The following CCDC88C variants were observed in gnomAD, a reference collection of about 807,000 sequenced individuals.
The protein encoded by CCDC88C is coiled-coil and HOOK domain protein 88C.
CCDC88C carries 131 observed loss-of-function variants against 198.8 expected under a neutral mutation model. The ratio of observed to expected loss-of-function variants is 0.66; its 90% CI spans 0.57 to 0.76. The LOEUF (loss-of-function observed/expected upper bound fraction) is 0.76. Among genes scored for constraint, CCDC88C ranks in the 30% least tolerant of loss-of-function variants. CCDC88C has a pLI of 0.00. For synonymous variants in CCDC88C, 1,166 were observed against 1,114.7 expected, an observed-to-expected ratio of 1.05 and a Z score of -0.92; for missense variants, 2,553 against 2,631.6, an observed-to-expected ratio of 0.97 and a Z score of 0.65.
chr14:91,359,141 G>A (rs1212358104), intron 4 of CCDC88C, among the ~76,000 whole-genome samples: 1 of 151,408 alleles, frequency 6.6e-6, no homozygotes, highest in African/African-American at 2.4e-5. Context: ...ACACATCTGA[G>A]CGGTTGGGAG....
At chr14:91,403,553 T>C (rs1886330517) in intron 3 of CCDC88C, among the ~76,000 whole-genome samples, 1 of 152,232 alleles carries the variant, frequency 6.6e-6, no homozygotes, top group Non-Finnish European at 1.5e-5. Flanking sequence ...GACTCCACTA[T>C]CTGCATTTAA....
chr14:91,278,050 C>G lies in CCDC88C; in HGVS notation c.4930G>C (p.Glu1644Gln). 1 of 1,609,716 alleles carries G rather than the reference C, an allele frequency of 6.2e-7. No homozygotes were observed. The highest frequency in any genetic ancestry group is 1.7e-5 in the Admixed American group (1 of 59,436). ...PLPRNGPLPQ[E>Q]GAQKRGTAPP... is the part of the protein sequence containing the mutation. Reference sequence around the variant, plus strand: ...GCTGTGCCCCTCTTCTGGGCACCCTCCTGTGGGAGAGGCCCGTTCCGAGGC... The same window carrying G: ...GCTGTGCCCCTCTTCTGGGCACCCTGCTGTGGGAGAGGCCCGTTCCGAGGC... The change falls in exon 29 of 30, where the codon GAG becomes CAG. Residue 1644 changes from glutamate to glutamine, a missense_variant. Glu to Gln is a conservative substitution (Grantham distance 29). This residue lies in a region of CCDC88C where 1,293 missense variants were observed against 1,219.6 expected (regional missense o/e 1.06). Transcript: ENST00000389857.
chr14:91,332,564 G>A (rs1050756690), intron 10 of CCDC88C, among the ~76,000 whole-genome samples: 7 of 152,264 alleles, frequency 4.6e-5, no homozygotes, highest in Admixed American at 2.6e-4. Context: ...CTCTCCCTTC[G>A]GTGATGCACA....
rs202080335 is a variant in CCDC88C, at chr14:91,339,887, G to C, written c.621C>G (p.Thr207=). The change falls in exon 7 of 30, where the codon ACC becomes ACG. Residue 207 remains threonine (T), a synonymous_variant. Coordinates refer to ENST00000389857, the MANE Select transcript of CCDC88C (RefSeq NM_001080414.4). The surrounding 1 kb of genome is among the most constrained non-coding windows in gnomAD (Gnocchi z 5.8). ...GGCCACCGACCCGCGGACGCACCTC[G>C]GTGCACTCGTCCCGCTGGTCGATGA... The part of the protein sequence containing the change: ...RRLIDQRDEC[T]ELIVDLTQER... The C allele has an allele frequency of 6.3e-7, 1 of 1,584,340 alleles. No individual in the cohort carries two copies. The highest frequency in any genetic ancestry group is 1.2e-5 in the South Asian group (1 of 86,540).
chr14:91,348,619 AT>A (rs1893653048), intron 4 of CCDC88C, among the ~76,000 whole-genome samples: 3 of 152,146 alleles, frequency 2.0e-5, no homozygotes, highest in Non-Finnish European at 4.4e-5. Context: ...TCCCTCATTC[AT>A]CCCAACACCC....
rs769753399 is a variant in CCDC88C at position 91,303,690 on chromosome 14, C to A, written c.3635+11G>T. ...CCCCTCCCCAGATCCCCTTCCTTCC[C>A]CAGGCCCTACCTCTCCCCGAGCTCC... On this transcript the variant is annotated intron_variant, in intron 20 of 29. Coordinates refer to ENST00000389857, the MANE Select transcript of CCDC88C (RefSeq NM_001080414.4). 12 of 1,563,352 alleles carry A rather than the reference C, an allele frequency of 7.7e-6. No individual in the cohort carries two copies. The South Asian group carries it at 1.4e-4, about 18-fold the overall frequency.
chr14:91,313,374 C>T lies in CCDC88C; in HGVS notation c.2442G>A (p.Glu814=). The T allele has an allele frequency of 6.2e-7, 1 of 1,610,472 alleles. No homozygotes were observed. The highest frequency in any genetic ancestry group is 2.2e-5 in the East Asian group (1 of 44,874). The stretch of plus-strand genomic sequence containing the variant: ...GGGCCTTCCTGTCCTTCTCGGCCCC[C>T]TCCAACTGTGCATTGGCCAGCCGGA... ...EALRLANAQL[E]GAEKDRKALE... Residue 814 remains glutamate (E), a synonymous_variant, in exon 15 of 30, where the codon GAG becomes GAA. Coordinates refer to ENST00000389857, the MANE Select transcript of CCDC88C (RefSeq NM_001080414.4). This position sits in a 1 kb window ranked among gnomAD's most constrained non-coding sequence, Gnocchi z 5.2.
intron 3 of CCDC88C, among the ~76,000 whole-genome samples, chr14:91,366,564 C>T (rs113909229): frequency 6.6e-4 from 100 of 151,924 alleles, no homozygotes; most frequent in African/African-American, 2.1e-3. Flanking sequence ...ATATCTATAG[C>T]CACTCTTTCC....
At chr14:91,323,926 C>A (rs1161303881) in intron 12 of CCDC88C, among the ~76,000 whole-genome samples, 1 of 152,252 alleles carries the variant, frequency 6.6e-6, no homozygotes, top group East Asian at 1.9e-4. Flanking sequence ...CTGATAGGAA[C>A]CCCCAAATGC....
chr14:91,318,222 C>A (rs1188075501), intron 13 of CCDC88C, among the ~76,000 whole-genome samples: 1 of 151,938 alleles, frequency 6.6e-6, no homozygotes, highest in Non-Finnish European at 1.5e-5. Context: ...GGGTTTGAGA[C>A]CAGCCTGGGC....
chr14:91,297,536 C>T (rs1045570257), intron 21 of CCDC88C, 45 bp from the exon 22 acceptor site: 2 of 1,540,910 alleles, frequency 1.3e-6, no homozygotes, highest in Non-Finnish European at 1.8e-6. Context: ...AAGAGCCTGA[C>T]AAACAGGTAA....
rs1360381653 is a variant in CCDC88C at position 91,271,808 on chromosome 14, C to T, written c.*817G>A. The stretch of plus-strand genomic sequence containing the variant: ...TGCACCTCGCTCTGTGCGGATGACC[C>T]CTCGGTGCACTGTGCACACTGGCCT... On this transcript the variant is annotated 3_prime_UTR_variant, in exon 30 of 30. Transcript: ENST00000389857. The T allele has an allele frequency of 6.6e-6, 1 of 152,646 alleles. No individual in the cohort carries two copies. The highest frequency in any genetic ancestry group is 1.9e-4 in the East Asian group (1 of 5,204). 9.5% of individuals were successfully genotyped at this position (152,646 alleles called of 1,614,324 possible). A position where few individuals can be genotyped will look rare whatever the true frequency, so the allele number is the denominator to read the frequency against.
chr14:91,349,436 AT>A (rs1893687543), intron 4 of CCDC88C, among the ~76,000 whole-genome samples: 1 of 152,240 alleles, frequency 6.6e-6, no homozygotes, highest in African/African-American at 2.4e-5. Context: ...TAAGTGCTTT[AT>A]GGTTACACTT....
rs1415247463 is a variant in CCDC88C at position 91,371,428 on chromosome 14, T to C, written c.271-11717A>G. Reference sequence around the variant, plus strand: ...AGCCAGAATGAGTGTAGTGGTCCCATGGGAGGAGCCATGTGCTGTCCAGGC... The same window carrying C: ...AGCCAGAATGAGTGTAGTGGTCCCACGGGAGGAGCCATGTGCTGTCCAGGC... On this transcript the variant is annotated intron_variant, in intron 3 of 29. Coordinates refer to ENST00000389857, the MANE Select transcript of CCDC88C (RefSeq NM_001080414.4). This position sits in a 1 kb window ranked among gnomAD's most constrained non-coding sequence, Gnocchi z 4.2. Among the ~76,000 whole-genome samples, 1 of 151,888 alleles carries C rather than the reference T, an allele frequency of 6.6e-6. No individual in the cohort carries two copies. Among genetic ancestry groups the C allele is most frequent in the Admixed American group, 6.5e-5 (1 of 15,270 alleles).
intron 6 of CCDC88C, 82 bp downstream of exon 6, chr14:91,342,298 C>T: frequency 1.3e-6 from 1 of 784,108 alleles, no homozygotes; most frequent in South Asian, 1.5e-5. Flanking sequence ...TCAAACGTTT[C>T]CACTCATAGA....
At chr14:91,285,640 A>C (rs1360763573) in intron 25 of CCDC88C, 1 of 1,279,712 alleles carries the variant, frequency 7.8e-7, no homozygotes, top group African/African-American at 1.5e-5. Context: ...AGGAGGGTAC[A>C]CAATACAGAC....
intron 3 of CCDC88C, among the ~76,000 whole-genome samples, chr14:91,394,387 T>A (rs1885710405): frequency 6.6e-6 from 1 of 152,166 alleles, no homozygotes; most frequent in Admixed American, 6.5e-5. Context: ...CTGCCATGTG[T>A]CAGGGACACA....
intron 29 of CCDC88C, among the ~76,000 whole-genome samples, chr14:91,275,144 G>A (rs1889900302): frequency 1.3e-5 from 2 of 152,178 alleles, no homozygotes; most frequent in African/African-American, 2.4e-5. Flanking sequence ...GGGGTAGGGG[G>A]TTAAATATAC....
chr14:91,417,602 C>A, intron 1 of CCDC88C, 29 bp downstream of exon 1: 1 of 1,575,408 alleles, frequency 6.3e-7, no homozygotes, highest in East Asian at 2.4e-5. Context: ...GGTGCACCAA[C>A]AAAGGGGCGG....
Sources: gnomAD v4.1 joint callset for allele counts (sites outside exome capture counted in the v4.1 genomes callset) on GRCh38, gnomAD v4.1.1 for gene constraint, gnomAD v4.1.1 regional missense constraint, Gnocchi (gnomAD v3.1) non-coding constraint, MANE v1.5 for transcripts, NCBI Gene and HGNC (gene_info 2026-07-23, HGNC 2026-07-21) for gene names.